Variants in GARIN1B observed in about 807,000 individuals in gnomAD.
The protein encoded by GARIN1B is Golgi-associated RAB2 interactor protein 1B.
At chr7:128,715,704 G>A in the GARIN1B span, 1 of 1,593,300 alleles carries the variant, frequency 6.3e-7, no homozygotes, top group Non-Finnish European at 8.6e-7. Flanking sequence ...TTCTTGGGTG[G>A]CGCAGAATAG....
At chr7:128,726,237 C>A in the GARIN1B span, among the ~76,000 whole-genome samples, 1 of 152,168 alleles carries the variant, frequency 6.6e-6, no homozygotes, top group African/African-American at 2.4e-5. Context: ...TGTTGCCTGA[C>A]AGTTAATTTG....
the GARIN1B span, chr7:128,723,051 C>A: frequency 1.1e-6 from 1 of 944,520 alleles, no homozygotes; most frequent in Non-Finnish European, 1.5e-6. Context: ...AAAATATGGC[C>A]TCAGAATTGC....
chr7:128,731,461 A>G, the GARIN1B span: 3 of 391,878 alleles, frequency 7.7e-6, no homozygotes, highest in East Asian at 1.4e-4. Context: ...GGAGAAAGTC[A>G]GCAGATGAGA....
chr7:128,720,174 T>C, the GARIN1B span, among the ~76,000 whole-genome samples: 26 of 151,832 alleles, frequency 1.7e-4, no homozygotes, highest in African/African-American at 6.0e-4. Flanking sequence ...TAATTTTGAT[T>C]AAGTGCAATT....
the GARIN1B span, among the ~76,000 whole-genome samples, chr7:128,727,356 C>T: frequency 6.6e-6 from 1 of 152,160 alleles, no homozygotes; most frequent in South Asian, 2.1e-4. Context: ...GCCTAGGGTG[C>T]CAAAGGAGCA....
chr7:128,726,633 C>G, the GARIN1B span, among the ~76,000 whole-genome samples: 2 of 151,966 alleles, frequency 1.3e-5, no homozygotes, highest in Non-Finnish European at 2.9e-5. Flanking sequence ...TCCACCTCCC[C>G]CTTCCCGATT....
At chr7:128,731,272 C>T in the GARIN1B span, 5 of 772,222 alleles carry the variant, frequency 6.5e-6, no homozygotes, top group Non-Finnish European at 1.1e-5. Flanking sequence ...TCCAGCTGTA[C>T]ATAACCACGT....
the GARIN1B span, chr7:128,723,478 C>G: frequency 1.4e-6 from 1 of 721,926 alleles, no homozygotes; most frequent in Non-Finnish European, 2.1e-6. Context: ...TTTGGGAGGT[C>G]AAGGCAGATG....
chr7:128,729,970 T>A, the GARIN1B span: 2 of 1,614,142 alleles, frequency 1.2e-6, no homozygotes, highest in Non-Finnish European at 1.7e-6. Context: ...TTCATTCACG[T>A]ACGGAGAGTG....
At chr7:128,711,870 G>A in the GARIN1B span, among the ~76,000 whole-genome samples, 2 of 152,168 alleles carry the variant, frequency 1.3e-5, no homozygotes, top group South Asian at 4.2e-4. Flanking sequence ...GTGAAACCCC[G>A]TCTCTACTAA....
At chr7:128,723,595 G>A in the GARIN1B span, among the ~76,000 whole-genome samples, 34 of 139,628 alleles carry the variant, frequency 2.4e-4, no homozygotes, top group African/African-American at 7.8e-4. Context: ...CTCTCACTCC[G>A]TCGCCCAGGG....
At chr7:128,728,249 C>A in the GARIN1B span, among the ~76,000 whole-genome samples, 1 of 152,118 alleles carries the variant, frequency 6.6e-6, no homozygotes, top group Non-Finnish European at 1.5e-5. Flanking sequence ...CGAGACCAGC[C>A]TAGCCAACAT....
the GARIN1B span, among the ~76,000 whole-genome samples, chr7:128,717,870 T>G: frequency 6.6e-6 from 1 of 152,082 alleles, no homozygotes; most frequent in African/African-American, 2.4e-5. Context: ...TTTTGGGGCC[T>G]CTTTAAATAA....
chr7:128,726,199 A>G, the GARIN1B span, among the ~76,000 whole-genome samples: 2 of 152,236 alleles, frequency 1.3e-5, no homozygotes, highest in African/African-American at 4.8e-5. Flanking sequence ...ACGTGATCCA[A>G]TTTACATTTT....
chr7:128,723,553 CTT>C, the GARIN1B span: 565 of 160,794 alleles, frequency 3.5e-3, no homozygotes, highest in Middle Eastern at 0.013. Flanking sequence ...ACTATCCAGT[CTT>C]TTTTTTTTTT....
At chr7:128,715,533 A>ATGCCTGGGAAGAATTCAGGGGCCTCT in the GARIN1B span, 1 of 1,614,140 alleles carries the variant, frequency 6.2e-7, no homozygotes, top group Non-Finnish European at 8.5e-7. Context: ...CCTTCCCTGA[A>ATGCCTGGGAAGAATTCAGGGGCCTCT]TGCCTGGGAA....
chr7:128,721,835 G>A, the GARIN1B span, among the ~76,000 whole-genome samples: 1 of 151,984 alleles, frequency 6.6e-6, no homozygotes, highest in Non-Finnish European at 1.5e-5. Context: ...TTTGTTAAAT[G>A]CTTTCTCTGC....
chr7:128,716,485 G>A, the GARIN1B span, among the ~76,000 whole-genome samples: 8 of 152,270 alleles, frequency 5.3e-5, no homozygotes, highest in African/African-American at 1.9e-4. Context: ...CAAATGGGTG[G>A]TTGAAATATT....
the GARIN1B span, chr7:128,715,404 A>C: frequency 6.2e-7 from 1 of 1,601,968 alleles, no homozygotes; most frequent in Non-Finnish European, 8.5e-7. Flanking sequence ...CAGAGATCCC[A>C]GGACAAATGT....
Sources: allele counts gnomAD v4.1 joint callset (sites outside exome capture counted in the v4.1 genomes callset), GRCh38; gene constraint gnomAD v4.1.1; transcripts MANE v1.5; gene names NCBI Gene and HGNC (gene_info 2026-07-23, HGNC 2026-07-21).